Variants in NPAS3 observed in about 807,000 individuals in gnomAD.
NPAS3 encodes neuronal PAS domain-containing protein 3.
Under a neutral mutation model 73.1 loss-of-function variants are expected in NPAS3, and 14 were observed. That is an observed-to-expected ratio of 0.19 (90% CI 0.13 to 0.30). The LOEUF (loss-of-function observed/expected upper bound fraction) is 0.30. NPAS3 is among the 10% of genes least tolerant of loss of function. The probability of loss-of-function intolerance (pLI) is 1.00; values close to 1 mark genes in which losing one functional copy is unlikely to be tolerated. For synonymous variants in NPAS3, 620 were observed against 541.5 expected, an observed-to-expected ratio of 1.14 and a Z score of -2.01; for missense variants, 1,096 against 1,250.0, an observed-to-expected ratio of 0.88 and a Z score of 1.86.
At chr14:33,019,852 G>A (rs1370652584) in intron 1 of NPAS3, among the ~76,000 whole-genome samples, 2 of 152,170 alleles carry the variant, frequency 1.3e-5, no homozygotes, top group Admixed American at 6.6e-5. Context: ...TATGGAGAAT[G>A]CCTTCTAAAC....
intron 2 of NPAS3, among the ~76,000 whole-genome samples, chr14:33,140,861 T>C (rs893724814): frequency 1.3e-5 from 2 of 152,148 alleles, no homozygotes; most frequent in African/African-American, 2.4e-5. Context: ...AAGTGAATGA[T>C]GGAATTAAGA....
intron 4 of NPAS3, among the ~76,000 whole-genome samples, chr14:33,438,097 T>C (rs550785599): frequency 6.6e-6 from 1 of 152,330 alleles, no homozygotes; most frequent in East Asian, 1.9e-4. Flanking sequence ...CAAATGAAGA[T>C]AGAAATTTTC....
intron 8 of NPAS3, 22 bp from the exon 9 acceptor site, chr14:33,778,444 G>A (rs968438331): frequency 2.0e-6 from 3 of 1,502,920 alleles, no homozygotes; most frequent in South Asian, 1.1e-5. Context: ...CTGAATTCCA[G>A]CCTGTGTTCT....
chr14:33,697,219 T>C (rs2060407354), intron 6 of NPAS3, among the ~76,000 whole-genome samples: 1 of 152,214 alleles, frequency 6.6e-6, no homozygotes, highest in Non-Finnish European at 1.5e-5. Context: ...CTGAGCTATC[T>C]TTGGCATCTA....
chr14:33,275,593 T>C (rs1159834427), intron 3 of NPAS3, among the ~76,000 whole-genome samples: 1 of 152,176 alleles, frequency 6.6e-6, no homozygotes, highest in Non-Finnish European at 1.5e-5. Flanking sequence ...ATTAAGTAAT[T>C]TTGCTTCCTT....
chr14:33,746,989 G>A (rs1040740068), intron 7 of NPAS3, among the ~76,000 whole-genome samples: 1 of 148,992 alleles, frequency 6.7e-6, no homozygotes, highest in Non-Finnish European at 1.5e-5. Flanking sequence ...GTGAGAATAT[G>A]CAGTGTTTGG....
intron 7 of NPAS3, among the ~76,000 whole-genome samples, chr14:33,770,086 A>G (rs780397961): frequency 6.6e-6 from 1 of 152,002 alleles, no homozygotes; most frequent in Non-Finnish European, 1.5e-5. Context: ...AAAAATGTCT[A>G]TGAATATTGA....
At chr14:33,382,070 G>A (rs892982147) in intron 4 of NPAS3, among the ~76,000 whole-genome samples, 6 of 151,948 alleles carry the variant, frequency 3.9e-5, no homozygotes, top group African/African-American at 1.5e-4. Flanking sequence ...TTGGGAGGGG[G>A]GCAGTTAGCC....
chr14:33,261,018 C>T (rs1344820451), intron 3 of NPAS3, among the ~76,000 whole-genome samples: 2 of 152,160 alleles, frequency 1.3e-5, no homozygotes, highest in Admixed American at 1.3e-4. Flanking sequence ...GAAAACAGTA[C>T]AGACACCTGT....
Position 33,517,807 on chromosome 14 carries a change from T to C in NPAS3, c.469-42314T>C, listed in dbSNP as rs114899558. On this transcript the variant is annotated intron_variant, in intron 4 of 11. Coordinates refer to ENST00000356141, the Ensembl canonical transcript of NPAS3. ...AGGCCTTACTGTGAGCACCTGTTACTCAGAGAAGCTGTTTATTTTCCATTG... is the reference window on the plus strand; with the variant it reads ...AGGCCTTACTGTGAGCACCTGTTACCCAGAGAAGCTGTTTATTTTCCATTG... Among the ~76,000 whole-genome samples the C allele has an allele frequency of 1.4e-3, 211 of 152,214 alleles. 2 individuals carry two copies. Among genetic ancestry groups the C allele is most frequent in the African/African-American group, 4.9e-3 (203 of 41,550 alleles).
chr14:32,962,697 G>A (rs2036984299), intron 1 of NPAS3, among the ~76,000 whole-genome samples: 1 of 149,810 alleles, frequency 6.7e-6, no homozygotes, highest in Non-Finnish European at 1.5e-5. Flanking sequence ...TGAGTAGCTG[G>A]GATTACAGGC....
intron 5 of NPAS3, among the ~76,000 whole-genome samples, chr14:33,582,373 C>T (rs1430116472): frequency 6.6e-6 from 1 of 152,154 alleles, no homozygotes; most frequent in Admixed American, 6.5e-5. Context: ...CTGAAGAGCA[C>T]GTGCCCAGGA....
intron 5 of NPAS3, among the ~76,000 whole-genome samples, chr14:33,604,733 A>G (rs1009811911): frequency 2.0e-5 from 3 of 152,120 alleles, no homozygotes; most frequent in African/African-American, 7.2e-5. Context: ...GAATTTTAAA[A>G]GGTTTAAGTC....
intron 1 of NPAS3, among the ~76,000 whole-genome samples, chr14:32,961,859 G>C (rs570696009): frequency 2.0e-4 from 31 of 152,164 alleles, no homozygotes; most frequent in African/African-American, 7.2e-4. Flanking sequence ...AATTTTAGTG[G>C]TAAATAAAAC....
intron 1 of NPAS3, among the ~76,000 whole-genome samples, chr14:32,989,405 G>C (rs986545865): frequency 1.2e-4 from 18 of 152,262 alleles, no homozygotes; most frequent in South Asian, 2.1e-4. Context: ...AGCACTTTGG[G>C]AGGCCGAGGC....
intron 5 of NPAS3, among the ~76,000 whole-genome samples, chr14:33,615,803 G>A (rs1005134709): frequency 6.6e-6 from 1 of 152,160 alleles, no homozygotes; most frequent in African/African-American, 2.4e-5. Flanking sequence ...CCTTTCCAGA[G>A]AGTCAGTGTC....
At chr14:33,356,940 A>G (rs2045364034) in intron 3 of NPAS3, among the ~76,000 whole-genome samples, 2 of 152,170 alleles carry the variant, frequency 1.3e-5, no homozygotes, top group South Asian at 2.1e-4. Context: ...TATTGCTTAC[A>G]TATGTTCTCG....
intron 5 of NPAS3, among the ~76,000 whole-genome samples, chr14:33,583,123 T>C (rs1006787019): frequency 5.9e-5 from 9 of 152,070 alleles, no homozygotes; most frequent in Non-Finnish European, 1.2e-4. Flanking sequence ...AATTGTTCTG[T>C]AGGTCCAGGC....
intron 6 of NPAS3, among the ~76,000 whole-genome samples, chr14:33,729,627 T>C (rs2140608212): frequency 6.6e-6 from 1 of 152,302 alleles, no homozygotes; most frequent in African/African-American, 2.4e-5. Flanking sequence ...AGTTCCTTGT[T>C]ACATTGGCCC....
Sources: gnomAD v4.1 joint callset for allele counts (sites outside exome capture counted in the v4.1 genomes callset) on GRCh38, gnomAD v4.1.1 for gene constraint, MANE v1.5 for transcripts, NCBI Gene and HGNC (gene_info 2026-07-23, HGNC 2026-07-21) for gene names.